The following TLN1 variants were observed in gnomAD, a reference collection of about 807,000 sequenced individuals.
The protein encoded by TLN1 is talin 1, also known as talin-1.
TLN1 carries 56 observed loss-of-function variants against 292.3 expected under a neutral mutation model. The ratio of observed to expected loss-of-function variants is 0.19; its 90% CI spans 0.15 to 0.24. TLN1 has a LOEUF of 0.24. TLN1 is among the 10% of genes least tolerant of loss of function. The pLI is 1.00. For synonymous variants in TLN1, 1,119 were observed against 1,253.7 expected, an observed-to-expected ratio of 0.89 and a Z score of 2.27; for missense variants, 2,433 against 3,248.2, an observed-to-expected ratio of 0.75 and a Z score of 6.10.
Position 35,721,753 on chromosome 9 carries a change from G to C in TLN1, c.999C>G (p.Thr333=), listed in dbSNP as rs368635295. The C allele has an allele frequency of 2.0e-5, 32 of 1,613,620 alleles. No individual in the cohort carries two copies. In the African/African-American group the frequency reaches 4.0e-4, roughly 20 times the overall value. ...CATCCACTCGCATCACACACTCCTT[G>C]GTGATGCCCAGAAGCCTGGGCACTA... The part of the protein sequence containing the change: ...NKLVPRLLGI[T]KECVMRVDEK... The change falls in exon 10 of 57, where the codon ACC becomes ACG. Residue 333 remains threonine (T), a synonymous_variant. Transcript: ENST00000314888.
At chr9:35,708,021 C>T (rs1440310359) in intron 34 of TLN1, 129 bp from the exon 35 acceptor site, 1 of 1,115,520 alleles carries the variant, frequency 9.0e-7, no homozygotes, top group Admixed American at 2.5e-5. Context: ...AACAGAGTCA[C>T]CTGAAAAGTC....
intron 1 of TLN1, among the ~76,000 whole-genome samples, chr9:35,726,434 CTT>C (rs1310276239): frequency 6.6e-6 from 1 of 152,208 alleles, no homozygotes; most frequent in Admixed American, 6.5e-5. Context: ...ATTTTTCTCT[CTT>C]TGTCTCCTGC....
chr9:35,725,987 G>C (rs953027248), intron 1 of TLN1, among the ~76,000 whole-genome samples: 1 of 151,974 alleles, frequency 6.6e-6, no homozygotes, highest in Non-Finnish European at 1.5e-5. Flanking sequence ...ATCTCAGCTC[G>C]CTGCAAGCTC....
Position 35,717,238 on chromosome 9 carries a change from G to A in TLN1, c.2366C>T (p.Ala789Val). The A allele has an allele frequency of 1.2e-6, 2 of 1,614,210 alleles. No individual in the cohort carries two copies. The highest frequency in any genetic ancestry group is 1.7e-6 in the Non-Finnish European group (2 of 1,180,038). Residue 789 changes from alanine to valine, a missense_variant, in exon 19 of 57, where the codon GCC (alanine) becomes GTC (valine). Around this residue, in one of 7 missense-constraint regions of TLN1, gnomAD observed 617 missense variants for 770.6 expected, o/e 0.80. Transcript: ENST00000314888. This position sits in a 1 kb window ranked among gnomAD's most constrained non-coding sequence, Gnocchi z 4.7. ...NELLQHVKAH[A>V]TGAGPAGRYD... ...ACGGCCAGCAGGCCCAGCCCCTGTG[G>A]CATGGGCTTTCACATGCTGCAGCAG... is the stretch of plus-strand genomic sequence containing the variant.
At chr9:35,708,530 T>C in intron 33 of TLN1, 46 bp from the exon 34 acceptor site, 1 of 1,492,512 alleles carries the variant, frequency 6.7e-7, no homozygotes, top group Non-Finnish European at 9.0e-7. Context: ...AGATTGCAGG[T>C]GGGAAATGAA....
In TLN1 at chr9:35,706,708, CTTT is replaced by C; in HGVS notation, c.5088+57_5088+59del. The stretch of plus-strand genomic sequence containing the variant: ...AAGCCACTCCTTGATCCCCCAGCTT[CTTT>C]GAGTCTGATATTTCTCTTCCTAGAC... On this transcript the variant is annotated intron_variant, in intron 38 of 56. Coordinates refer to ENST00000314888, the MANE Select transcript of TLN1 (RefSeq NM_006289.4). This position sits in a 1 kb window ranked among gnomAD's most constrained non-coding sequence, Gnocchi z 4.2. 4 of 1,595,678 alleles carry C rather than the reference CTTT, an allele frequency of 2.5e-6. No individual in the cohort carries two copies. The highest frequency in any genetic ancestry group is 1.7e-5 in the Admixed American group (1 of 58,592).
chr9:35,730,138 G>A (rs760099871), intron 1 of TLN1, among the ~76,000 whole-genome samples: 3 of 151,758 alleles, frequency 2.0e-5, no homozygotes, highest in Non-Finnish European at 4.4e-5. Flanking sequence ...TCAGAGGCCA[G>A]GTCAGGCTAT....
intron 33 of TLN1, among the ~76,000 whole-genome samples, chr9:35,709,886 CAAAAAAA>C (rs546437173): frequency 3.9e-4 from 5 of 12,862 alleles, no homozygotes; most frequent in Admixed American, 9.7e-4. Context: ...AACTCGGTCT[CAAAAAAA>C]AAAAAAAAAA....
chr9:35,725,038 A>G, intron 3 of TLN1, 79 bp from the exon 4 acceptor site: 1 of 1,599,868 alleles, frequency 6.3e-7, no homozygotes, highest in Non-Finnish European at 8.5e-7. Flanking sequence ...CCGAGGGGAG[A>G]GAGTGGAGCA....
intron 48 of TLN1, among the ~76,000 whole-genome samples, 198 bp downstream of exon 48, chr9:35,703,362 A>G (rs568422422): frequency 6.6e-6 from 1 of 152,138 alleles, no homozygotes; most frequent in African/African-American, 2.4e-5. Context: ...CCTGGGAGAA[A>G]TGACAAGAGG....
At position 35,720,932 on chromosome 9, in the gene TLN1, G is replaced by A. The variant is rs780889770; in HGVS notation, c.1105-19C>T. 8 of 1,583,322 alleles carry A rather than the reference G, an allele frequency of 5.1e-6. No individual in the cohort carries two copies. Among genetic ancestry groups the A allele is most frequent in the Non-Finnish European group, 6.9e-6 (8 of 1,152,136 alleles). On this transcript the variant is annotated intron_variant, in intron 10 of 56. Coordinates refer to ENST00000314888, the MANE Select transcript of TLN1 (RefSeq NM_006289.4). ...CAAAATCCTAGGGTGACAAGTGGGG[G>A]ACTCAGAGGGAAAGCTCAAATCTAT...
At position 35,712,078 on chromosome 9, in the gene TLN1, A is replaced by G. The variant is rs1825682353; in HGVS notation, c.3608T>C (p.Leu1203Pro). 2 of 1,613,952 alleles carry G rather than the reference A, an allele frequency of 1.2e-6. No homozygotes were observed. The highest frequency in any genetic ancestry group is 1.3e-5 in the African/African-American group (1 of 74,932). The change falls in exon 28 of 57, where the codon CTA (leucine) becomes CCA (proline). Residue 1203 changes from leucine (L) to proline (P), a missense_variant. Coordinates refer to ENST00000314888, the MANE Select transcript of TLN1 (RefSeq NM_006289.4). Reference sequence around the variant, plus strand: ...ATTATCCACATCGCGCTGGCCAGGTAGGCAGCTGACACAGCGGTTCAGAGC... The same window carrying G: ...ATTATCCACATCGCGCTGGCCAGGTGGGCAGCTGACACAGCGGTTCAGAGC... ...TQALNRCVSC[L>P]PGQRDVDNAL... is the part of the protein sequence containing the mutation.
chr9:35,719,718 C>A lies in TLN1; in HGVS notation c.1578+22G>T, dbSNP rs761506575. 1 of 1,610,488 alleles carries A rather than the reference C, an allele frequency of 6.2e-7. No homozygotes were observed. Among genetic ancestry groups the A allele is most frequent in the Admixed American group, 1.7e-5 (1 of 59,304 alleles). On this transcript the variant is annotated intron_variant, in intron 14 of 56. Coordinates refer to ENST00000314888, the MANE Select transcript of TLN1 (RefSeq NM_006289.4). This position sits in a 1 kb window ranked among gnomAD's most constrained non-coding sequence, Gnocchi z 4.6. ...GAGTCTCAGCTTCAGTACCACCGGC[C>A]TCTCCTCCATCCCATACTTACAGCA...
Position 35,711,381 on chromosome 9 carries a change from C to A in TLN1, c.3893G>T (p.Arg1298Leu), listed in dbSNP as rs189605894. The change falls in exon 30 of 57, where the codon CGA becomes CTA. Residue 1298 changes from arginine to leucine, a missense_variant. Arg to Leu is a moderately radical substitution (Grantham distance 102). Around this residue, in one of 7 missense-constraint regions of TLN1, gnomAD observed 1,384 missense variants for 1,699.6 expected, o/e 0.81. Coordinates refer to ENST00000314888, the MANE Select transcript of TLN1 (RefSeq NM_006289.4). ...CTTCAAGTTGGACACAACTTGGGCTCGGTCCTCCTGGCTCTGTTGAAGGTG... is the reference window on the plus strand; with the variant it reads ...CTTCAAGTTGGACACAACTTGGGCTAGGTCCTCCTGGCTCTGTTGAAGGTG... ...MAGQAPSQED[R>L]AQVVSNLKGI... is the part of the protein sequence containing the mutation. 1 of 1,614,180 alleles carries A rather than the reference C, an allele frequency of 6.2e-7. No homozygotes were observed. The highest frequency in any genetic ancestry group is 2.2e-5 in the East Asian group (1 of 44,890).
rs141895511 is a variant in TLN1 at position 35,699,089 on chromosome 9, G to A, written c.6942C>T (p.Ala2314=). 45 of 1,613,988 alleles carry A rather than the reference G, an allele frequency of 2.8e-5. No individual in the cohort carries two copies. The highest frequency in any genetic ancestry group is 1.4e-4 in the South Asian group (13 of 91,084). The part of the protein sequence containing the change: ...IAENELLGAA[A]AIEAAAKKLE... ...GCTTTTTGGCTGCAGCCTCAATGGCGGCTGCAGCTCCCAGGAGCTCATTCT... is the reference window on the plus strand; with the variant it reads ...GCTTTTTGGCTGCAGCCTCAATGGCAGCTGCAGCTCCCAGGAGCTCATTCT... Residue 2314 remains alanine (A), a synonymous_variant, in exon 52 of 57, where the codon GCC becomes GCT. Transcript: ENST00000314888. The surrounding 1 kb of genome is among the most constrained non-coding windows in gnomAD (Gnocchi z 4.0).
intron 33 of TLN1, among the ~76,000 whole-genome samples, chr9:35,709,501 C>A (rs1825622465): frequency 6.6e-6 from 1 of 152,076 alleles, no homozygotes; most frequent in Admixed American, 6.6e-5. Context: ...TACTTTACAG[C>A]TAATAGGTAG....
chr9:35,703,967 G>A, intron 46 of TLN1, 24 bp downstream of exon 46: 1 of 1,612,642 alleles, frequency 6.2e-7, no homozygotes, highest in Non-Finnish European at 8.5e-7. Context: ...ATTCCAGCCG[G>A]AATTAGGGGC....
In TLN1 at chr9:35,699,013, G is replaced by A. The variant is rs1476834152; in HGVS notation, c.6999+19C>T. The A allele has an allele frequency of 3.1e-6, 5 of 1,608,624 alleles. No homozygotes were observed. In the South Asian group the frequency reaches 3.3e-5, roughly 11 times the overall value. Reference sequence around the variant, plus strand: ...ACACTGCCATGGTGAGGGTGGAAGAGGAAGGGAGCAGGACTGACCTTGGGT... The same window carrying A: ...ACACTGCCATGGTGAGGGTGGAAGAAGAAGGGAGCAGGACTGACCTTGGGT... On this transcript the variant is annotated intron_variant, in intron 52 of 56. Transcript: ENST00000314888. The surrounding 1 kb of genome is among the most constrained non-coding windows in gnomAD (Gnocchi z 4.0).
chr9:35,722,797 G>A (rs1271130413), intron 8 of TLN1, 64 bp downstream of exon 8: 1 of 1,551,564 alleles, frequency 6.4e-7, no homozygotes, highest in Admixed American at 1.7e-5. Flanking sequence ...GGGCCATTTA[G>A]TCAGTAAGAT....
Sources: allele counts gnomAD v4.1 joint callset (sites outside exome capture counted in the v4.1 genomes callset), GRCh38; gene constraint gnomAD v4.1.1; regional missense constraint gnomAD v4.1.1; non-coding constraint Gnocchi (gnomAD v3.1); transcripts MANE v1.5; gene names NCBI Gene and HGNC (gene_info 2026-07-23, HGNC 2026-07-21).